The following PHKA1 variants were observed in gnomAD, a reference collection of about 807,000 sequenced individuals.
PHKA1 encodes the protein phosphorylase b kinase regulatory subunit alpha, skeletal muscle isoform.
PHKA1 carries 60 observed loss-of-function variants against 110.2 expected under a neutral mutation model. That is an observed-to-expected ratio of 0.54 (90% CI 0.44 to 0.68). The LOEUF is 0.68. PHKA1 is among the 30% of genes least tolerant of loss of function. The probability of loss-of-function intolerance (pLI) is 0.00; values close to 1 mark genes in which losing one functional copy is unlikely to be tolerated. For missense variants in PHKA1, 801 were observed against 942.5 expected, an observed-to-expected ratio of 0.85 and a Z score of 1.97; for synonymous variants, 316 against 333.6, an observed-to-expected ratio of 0.95 and a Z score of 0.58.
chrX:72,611,950 A>T (rs893836385), intron 21 of PHKA1, among the ~76,000 whole-genome samples: 1 of 112,038 alleles, frequency 8.9e-6, no homozygotes, highest in South Asian at 3.7e-4. Flanking sequence ...CAGAATTACC[A>T]TATAATCCAG....
intron 14 of PHKA1, among the ~76,000 whole-genome samples, chrX:72,640,179 A>G (rs2053279709): frequency 8.9e-6 from 1 of 112,135 alleles, no homozygotes; most frequent in African/African-American, 3.2e-5. Flanking sequence ...ATTTTACTAC[A>G]TAAAATATAA....
chrX:72,680,949 C>T (rs1212534209), intron 5 of PHKA1, among the ~76,000 whole-genome samples: 1 of 59,326 alleles, frequency 1.7e-5, no homozygotes, highest in Non-Finnish European at 3.0e-5. Flanking sequence ...GCTGCCACCC[C>T]GTCTGGGAAG....
intron 3 of PHKA1, among the ~76,000 whole-genome samples, chrX:72,704,782 C>T (rs1316584328): frequency 4.5e-5 from 5 of 111,322 alleles, no homozygotes; most frequent in African/African-American, 6.5e-5. Context: ...GTAGAGACAA[C>T]GCTTCGCCAT....
intron 23 of PHKA1, 82 bp from the exon 24 acceptor site, chrX:72,605,701 C>G: frequency 2.9e-6 from 2 of 684,567 alleles, no homozygotes; most frequent in Non-Finnish European, 4.6e-6. Context: ...GAAGCTTTAT[C>G]CAAGTCCAAG....
intron 17 of PHKA1, among the ~76,000 whole-genome samples, chrX:72,623,578 A>C (rs113576654): frequency 2.7e-5 from 3 of 110,949 alleles, no homozygotes; most frequent in African/African-American, 9.8e-5. Flanking sequence ...TCTGGTAAAA[A>C]TTTGCATTGG....
intron 7 of PHKA1, 82 bp from the exon 8 acceptor site, chrX:72,666,379 T>C: frequency 3.6e-6 from 3 of 833,800 alleles, no homozygotes; most frequent in Non-Finnish European, 5.3e-6. Flanking sequence ...ACACATGATA[T>C]CACTTTTGAA....
At chrX:72,589,849 T>C (rs1159757149) in intron 29 of PHKA1, among the ~76,000 whole-genome samples, 1 of 109,625 alleles carries the variant, frequency 9.1e-6, no homozygotes, top group African/African-American at 3.3e-5. Flanking sequence ...ATAAAATACC[T>C]AAGAATCCAA....
At chrX:72,646,905 T>C (rs1332020775) in intron 13 of PHKA1, among the ~76,000 whole-genome samples, 3 of 110,534 alleles carry the variant, frequency 2.7e-5, no homozygotes, top group African/African-American at 9.9e-5. Flanking sequence ...CAGAGGTGGG[T>C]GGATCACCTG....
intron 14 of PHKA1, among the ~76,000 whole-genome samples, chrX:72,637,619 G>T (rs1256140232): frequency 2.7e-5 from 3 of 111,645 alleles, no homozygotes; most frequent in African/African-American, 9.8e-5. Context: ...TTGTTTGAGG[G>T]ACTGCCATAC....
chrX:72,712,684 G>A lies in PHKA1; in HGVS notation c.237+95C>T, dbSNP rs2054400623. The A allele has an allele frequency of 1.4e-5, 11 of 798,140 alleles. No individual in the cohort carries two copies. The South Asian group carries it at 2.4e-4, about 17-fold the overall frequency. 65.8% of individuals were successfully genotyped at this position (798,140 alleles called of 1,213,427 possible). A position where few individuals can be genotyped will look rare whatever the true frequency, so the allele number is the denominator to read the frequency against. Reference sequence around the variant, plus strand: ...GGAAAGGCAAAATACAGTTCTCTTAGCTTTTGGTGGGTTTCACTTCCTTCA... The same window carrying A: ...GGAAAGGCAAAATACAGTTCTCTTAACTTTTGGTGGGTTTCACTTCCTTCA... On this transcript the variant is annotated intron_variant, in intron 2 of 31. Transcript: ENST00000373542.
In PHKA1 at chrX:72,695,840, T is replaced by C. The variant is rs377069290; in HGVS notation, c.322A>G (p.Thr108Ala). ...TACTTTGCATGGAGGCTATCCTTAG[T>C]ACTCTGACTATATTTGAAGGATTCT... ...KVESFKYSQS[T>A]KDSLHAKYNT... The change falls in exon 4 of 32, where the codon ACT becomes GCT. Residue 108 changes from threonine to alanine, a missense_variant. This residue lies in a region of PHKA1 where 299 missense variants were observed against 423.3 expected (regional missense o/e 0.71). Coordinates refer to ENST00000373542, the MANE Select transcript of PHKA1 (RefSeq NM_002637.4). The C allele has an allele frequency of 1.7e-5, 21 of 1,204,507 alleles. No individual in the cohort carries two copies. Among genetic ancestry groups the C allele is most frequent in the Non-Finnish European group, 2.4e-5 (21 of 890,712 alleles).
At chrX:72,638,625 C>A (rs1162938226) in intron 14 of PHKA1, among the ~76,000 whole-genome samples, 1 of 110,576 alleles carries the variant, frequency 9.0e-6, no homozygotes, top group Non-Finnish European at 1.9e-5. Flanking sequence ...CTTCTTAGCC[C>A]AATCAGGAAT....
chrX:72,646,956 C>A (rs1014062756), intron 13 of PHKA1, among the ~76,000 whole-genome samples: 2 of 109,531 alleles, frequency 1.8e-5, no homozygotes, highest in African/African-American at 6.7e-5. Flanking sequence ...CATGGTGAAA[C>A]CTCATTTCTA....
chrX:72,624,784 A>G (rs998768199), intron 17 of PHKA1, among the ~76,000 whole-genome samples: 5 of 111,879 alleles, frequency 4.5e-5, no homozygotes, highest in Non-Finnish European at 9.4e-5. Context: ...AGGACCCAAC[A>G]TCACACAGGT....
At chrX:72,618,942 T>C in intron 20 of PHKA1, 93 bp from the exon 21 acceptor site, 1 of 840,534 alleles carries the variant, frequency 1.2e-6, no homozygotes, top group Non-Finnish European at 1.8e-6. Context: ...CCTCTAAACC[T>C]TTTCCAAGGA....
intron 28 of PHKA1, among the ~76,000 whole-genome samples, chrX:72,601,033 T>G (rs782275170): frequency 2.8e-4 from 31 of 111,695 alleles, no homozygotes; most frequent in African/African-American, 1.0e-3. Flanking sequence ...CTTGGAGATC[T>G]TGAAACCACA....
In PHKA1 at chrX:72,580,848, T is replaced by C; in HGVS notation, c.*154A>G. ...TAAGTGTTCACTTCTTCTACAGTAG[T>C]TAGTTTATCGAAAAAGTTCTCTCTT... On this transcript the variant is annotated 3_prime_UTR_variant, in exon 32 of 32. Coordinates refer to ENST00000373542, the MANE Select transcript of PHKA1 (RefSeq NM_002637.4). 1.9e-6 allele frequency: 1 copy of C among 517,670 alleles called. No individual in the cohort carries two copies. The highest frequency in any genetic ancestry group is 3.4e-6 in the Non-Finnish European group (1 of 293,488). The allele number at this position is 517,670 out of a possible 1,213,427, so 42.7% of individuals were successfully genotyped here.
At chrX:72,644,555 A>C (rs1181247925) in intron 13 of PHKA1, 59 bp from the exon 14 acceptor site, 2 of 1,019,847 alleles carry the variant, frequency 2.0e-6, no homozygotes, top group Non-Finnish European at 2.7e-6. Flanking sequence ...GCAACTTAAC[A>C]ATCTCTCAAG....
intron 18 of PHKA1, chrX:72,622,082 AC>A (rs1394508632): frequency 1.4e-6 from 1 of 740,368 alleles, no homozygotes; most frequent in African/African-American, 2.3e-5. Context: ...TTTTGTTATT[AC>A]TGATAACAGT....
Sources: gnomAD v4.1 joint callset for allele counts (sites outside exome capture counted in the v4.1 genomes callset) on GRCh38, gnomAD v4.1.1 for gene constraint, gnomAD v4.1.1 regional missense constraint, MANE v1.5 for transcripts, NCBI Gene and HGNC (gene_info 2026-07-23, HGNC 2026-07-21) for gene names.